The following NCOA6 variants were observed in gnomAD, a reference collection of about 807,000 sequenced individuals.
NCOA6 encodes nuclear receptor coactivator 6, also known as NRC RAP250.
Under a neutral mutation model 171.4 loss-of-function variants are expected in NCOA6, and 49 were observed. That is an observed-to-expected ratio of 0.29 (90% CI 0.23 to 0.36). The LOEUF is 0.36. NCOA6 is among the 10% of genes least tolerant of loss of function. NCOA6 has a pLI of 1.00. For synonymous variants in NCOA6, 910 were observed against 927.5 expected (o/e 0.98, Z 0.34); for missense variants, 2,248 against 2,554.5 (o/e 0.88, Z 2.59).
At chr20:34,792,367 A>G (rs2077913649) in intron 2 of NCOA6, 83 bp downstream of exon 2, 1 of 390,380 alleles carries the variant, frequency 2.6e-6, no homozygotes, top group South Asian at 1.4e-4. Context: ...GTTTTTCCAA[A>G]AGAGAGACAG....
chr20:34,820,857 G>C (rs1471365476), intron 1 of NCOA6: 2 of 151,240 alleles, frequency 1.3e-5, no homozygotes, highest in Non-Finnish European at 2.9e-5. Flanking sequence ...TTAATAATCA[G>C]AATATATAAA....
intron 11 of NCOA6, among the ~76,000 whole-genome samples, chr20:34,739,094 G>A (rs775017585): frequency 4.6e-5 from 7 of 152,150 alleles, no homozygotes; most frequent in Admixed American, 6.6e-5. Context: ...AAGGGAAGGA[G>A]GGGCGGTTGT....
rs768128847 is a variant in NCOA6 at position 34,742,134 on chromosome 20, T to C, written c.4122A>G (p.Val1374=). The C allele has an allele frequency of 1.9e-6, 3 of 1,614,176 alleles. No individual in the cohort carries two copies. The highest frequency in any genetic ancestry group is 2.5e-6 in the Non-Finnish European group (3 of 1,180,018). ...LLQNVELPRN[V]LVSPTPLANP... The stretch of plus-strand genomic sequence containing the variant: ...TGGCCAGAGGAGTGGGACTGACCAA[T>C]ACATTTCTCGGCAACTCCACATTCT... The change falls in exon 11 of 15, where the codon GTA becomes GTG. Residue 1374 remains valine (V), a synonymous_variant. Coordinates refer to ENST00000359003, the MANE Select transcript of NCOA6 (RefSeq NM_014071.5).
intron 1 of NCOA6, among the ~76,000 whole-genome samples, chr20:34,812,224 G>A (rs967791662): frequency 6.6e-6 from 1 of 151,618 alleles, no homozygotes; most frequent in African/African-American, 2.4e-5. Context: ...CTGCACTCCA[G>A]TGTGGCGACA....
chr20:34,750,861 G>C (rs2076454835), intron 8 of NCOA6, among the ~76,000 whole-genome samples: 1 of 152,140 alleles, frequency 6.6e-6, no homozygotes, highest in Non-Finnish European at 1.5e-5. Flanking sequence ...AAAATGACTT[G>C]TAGTGGCCAG....
intron 2 of NCOA6, among the ~76,000 whole-genome samples, chr20:34,791,780 C>T (rs1225404507): frequency 6.6e-6 from 1 of 151,980 alleles, no homozygotes; most frequent in Non-Finnish European, 1.5e-5. Flanking sequence ...TACCCAAACC[C>T]CTGTCATAAT....
At chr20:34,751,355 C>T (rs1407529236) in intron 8 of NCOA6, among the ~76,000 whole-genome samples, 6 of 77,944 alleles carry the variant, frequency 7.7e-5, no homozygotes, top group Non-Finnish European at 1.3e-4. Flanking sequence ...CCAGCCTGGG[C>T]GACAGAGCAA....
chr20:34,773,583 G>A (rs1336086806), intron 4 of NCOA6, among the ~76,000 whole-genome samples: 1 of 151,432 alleles, frequency 6.6e-6, no homozygotes, highest in Non-Finnish European at 1.5e-5. Context: ...GAGTGCAGTG[G>A]CATGATCTCG....
chr20:34,725,964 G>C (rs538524841), intron 14 of NCOA6, among the ~76,000 whole-genome samples: 2 of 152,266 alleles, frequency 1.3e-5, no homozygotes, highest in East Asian at 3.9e-4. Flanking sequence ...GCATGACTGA[G>C]ATCCATTAGG....
chr20:34,730,712 CTT>C (rs141101262), intron 13 of NCOA6, among the ~76,000 whole-genome samples: 3 of 129,024 alleles, frequency 2.3e-5, no homozygotes, highest in Non-Finnish European at 3.2e-5. Flanking sequence ...ATGTTCTAGA[CTT>C]TTTTTTTTTT....
Position 34,715,352 on chromosome 20 carries a change from C to A in NCOA6, c.6162G>T (p.Ala2054=), listed in dbSNP as rs144649777. 6.2e-7 allele frequency: 1 copy of A among 1,613,612 alleles called. No homozygotes were observed. The highest frequency in any genetic ancestry group is 8.5e-7 in the Non-Finnish European group (1 of 1,179,572). ...TGGATTTTCTTCGCTTGGATTGCAC[C>A]GCACTGGTTATGTCTGTGGGGGAAA... is the stretch of plus-strand genomic sequence containing the variant. The part of the protein sequence containing the change: ...ASSSTKDITS[A]VQSKRRKSK Residue 2054 remains alanine, a synonymous_variant, in exon 15 of 15, where the codon GCG becomes GCT. Transcript: ENST00000359003.
intron 2 of NCOA6, among the ~76,000 whole-genome samples, chr20:34,786,420 G>T (rs2077682861): frequency 1.3e-5 from 2 of 151,982 alleles, no homozygotes; most frequent in Non-Finnish European, 2.9e-5. Flanking sequence ...TCATTTTCCA[G>T]TTCTTTTAGT....
chr20:34,778,589 G>A (rs1472386532), intron 3 of NCOA6, among the ~76,000 whole-genome samples: 2 of 150,946 alleles, frequency 1.3e-5, no homozygotes, highest in Admixed American at 6.6e-5. Flanking sequence ...CACCATGCCC[G>A]GCTAATTTTT....
At chr20:34,754,625 A>C (rs2076589955) in intron 8 of NCOA6, 97 bp downstream of exon 8, 4 of 1,436,504 alleles carry the variant, frequency 2.8e-6, no homozygotes, top group Non-Finnish European at 3.8e-6. Flanking sequence ...AAGGGGAGAG[A>C]CCAAGACTTA....
intron 1 of NCOA6, among the ~76,000 whole-genome samples, chr20:34,808,588 AC>A (rs2078542412): frequency 6.6e-6 from 1 of 151,958 alleles, no homozygotes; most frequent in Non-Finnish European, 1.5e-5. Flanking sequence ...AAAGGCATGA[AC>A]CACCACGCCT....
chr20:34,817,123 ACACACACAC>A (rs1288498735), intron 1 of NCOA6, among the ~76,000 whole-genome samples: 6,372 of 127,154 alleles, frequency 0.05, 1,249 homozygotes, highest in Middle Eastern at 0.071. Context: ...ACTCCATCAC[ACACACACAC>A]AAAAAAGCAA....
intron 4 of NCOA6, among the ~76,000 whole-genome samples, chr20:34,770,389 C>T (rs186288550): frequency 5.3e-5 from 8 of 151,948 alleles, no homozygotes; most frequent in African/African-American, 1.9e-4. Context: ...AAACAGCCTA[C>T]CAAAAAGGAA....
chr20:34,813,107 C>T (rs192670810), intron 1 of NCOA6, among the ~76,000 whole-genome samples: 2 of 146,556 alleles, frequency 1.4e-5, no homozygotes, highest in African/African-American at 5.1e-5. Flanking sequence ...TGCAGTGAGT[C>T]GAGATCACGC....
At chr20:34,805,803 C>T (rs1197723348) in intron 1 of NCOA6, among the ~76,000 whole-genome samples, 1 of 152,006 alleles carries the variant, frequency 6.6e-6, no homozygotes, top group African/African-American at 2.4e-5. Context: ...ATTCTCCTGC[C>T]TCAGCCTCCC....
Sources: gnomAD v4.1 joint callset for allele counts (sites outside exome capture counted in the v4.1 genomes callset) on GRCh38, gnomAD v4.1.1 for gene constraint, MANE v1.5 for transcripts, NCBI Gene and HGNC (gene_info 2026-07-23, HGNC 2026-07-21) for gene names.